Variants in GRAMD2B observed in about 807,000 individuals in gnomAD.
GRAMD2B encodes the protein GRAM domain-containing protein 2B.
A neutral mutation model predicts 59.2 loss-of-function variants in GRAMD2B; 41 were observed. That is an observed-to-expected ratio of 0.69 (90% CI 0.54 to 0.90). The LOEUF (loss-of-function observed/expected upper bound fraction) is 0.90, where lower values mean the gene tolerates loss of function less well. Among genes scored for constraint, GRAMD2B ranks in the 40% least tolerant of loss-of-function variants. The probability of loss-of-function intolerance (pLI) is 0.00; values close to 1 mark genes in which losing one functional copy is unlikely to be tolerated. For synonymous variants in GRAMD2B, 161 were observed against 182.7 expected, an observed-to-expected ratio of 0.88 and a Z score of 0.96; for missense variants, 424 against 500.5, an observed-to-expected ratio of 0.85 and a Z score of 1.46.
intron 10 of GRAMD2B, 136 bp downstream of exon 10, chr5:126,484,660 T>C: frequency 1.3e-6 from 1 of 791,230 alleles, no homozygotes; most frequent in Non-Finnish European, 1.9e-6. Context: ...CTTGGCTCAC[T>C]GCAACCTCTG....
At chr5:126,434,689 TTG>T (rs1039757702) in intron 1 of GRAMD2B, among the ~76,000 whole-genome samples, 1 of 152,074 alleles carries the variant, frequency 6.6e-6, no homozygotes, top group Non-Finnish European at 1.5e-5. Flanking sequence ...GGCTAATTTT[TTG>T]TGTTTTTAGT....
chr5:126,459,560 CA>C (rs1394652933), intron 1 of GRAMD2B, among the ~76,000 whole-genome samples: 1 of 152,194 alleles, frequency 6.6e-6, no homozygotes, highest in Non-Finnish European at 1.5e-5. Context: ...AATGTACATA[CA>C]AACAGCTAAT....
intron 1 of GRAMD2B, among the ~76,000 whole-genome samples, chr5:126,364,139 T>C (rs527547637): frequency 6.6e-6 from 1 of 152,350 alleles, no homozygotes; most frequent in South Asian, 2.1e-4. Flanking sequence ...ATACTAGCTA[T>C]TGTACTTTCT....
At position 126,447,945 on chromosome 5, in the gene GRAMD2B, C is replaced by T. The variant is rs376813484; in HGVS notation, c.84-17481C>T. Among the ~76,000 whole-genome samples, 5 of 151,868 alleles carry T rather than the reference C, an allele frequency of 3.3e-5. No individual in the cohort carries two copies. The East Asian group carries it at 5.9e-4, about 18-fold the overall frequency. ...CATGATCTCGGCTTACTGCAACCTCCGCCTCCCAGGTTCAAGCAATTCTTC... is the reference window on the plus strand; with the variant it reads ...CATGATCTCGGCTTACTGCAACCTCTGCCTCCCAGGTTCAAGCAATTCTTC... On this transcript the variant is annotated intron_variant, in intron 1 of 13. Transcript: ENST00000285689.
chr5:126,400,719 G>C (rs1016045081), intron 1 of GRAMD2B, among the ~76,000 whole-genome samples: 1 of 152,130 alleles, frequency 6.6e-6, no homozygotes, highest in East Asian at 1.9e-4. Context: ...GCTTTATCAA[G>C]TATGGTATTC....
At chr5:126,421,075 C>A (rs147268262), upstream of GRAMD2B, among the ~76,000 whole-genome samples, 316 of 152,150 alleles carry the variant, frequency 2.1e-3, 3 homozygotes, top group African/African-American at 7.1e-3. Flanking sequence ...CTACCAGAGG[C>A]TGGGAGGAGG....
intron 1 of GRAMD2B, among the ~76,000 whole-genome samples, chr5:126,401,924 C>T (rs555580812): frequency 6.6e-5 from 10 of 152,106 alleles, no homozygotes; most frequent in East Asian, 1.9e-4. Flanking sequence ...GGTCATATAC[C>T]GGGGTCACTC....
intron 1 of GRAMD2B, among the ~76,000 whole-genome samples, chr5:126,405,247 C>G (rs1580816133): frequency 6.6e-6 from 1 of 152,030 alleles, no homozygotes; most frequent in South Asian, 2.1e-4. Context: ...CTGTTTATCT[C>G]CAAACAAATG....
intron 1 of GRAMD2B, among the ~76,000 whole-genome samples, chr5:126,412,463 T>A (rs1364196672): frequency 6.6e-6 from 1 of 152,152 alleles, no homozygotes; most frequent in African/African-American, 2.4e-5. Context: ...TTAAGCCTAT[T>A]TGTTTATGAA....
exon 1 of GRAMD2B, chr5:126,360,393 A>C: frequency 6.4e-7 from 1 of 1,551,438 alleles, no homozygotes; most frequent in Non-Finnish European, 8.7e-7. Context: ...TTCCAAGCAC[A>C]GCTTATGCCC....
At position 126,423,563 on chromosome 5, in the gene GRAMD2B, C is replaced by G. The variant is rs1452771072; in HGVS notation, c.-44C>G. On this transcript the variant is annotated 5_prime_UTR_variant, in exon 1 of 14. Transcript: ENST00000285689. The stretch of plus-strand genomic sequence containing the variant: ...GAAGCCGGGACGAGCCGGGGCAGAG[C>G]CAGGCGCGCGGAAGTCTGAAGGTGC... The G allele has an allele frequency of 1.3e-6, 2 of 1,594,384 alleles. No homozygotes were observed. The highest frequency in any genetic ancestry group is 2.3e-5 in the South Asian group (2 of 87,898).
intron 1 of GRAMD2B, among the ~76,000 whole-genome samples, chr5:126,405,219 A>G (rs1758169234): frequency 6.6e-6 from 1 of 151,922 alleles, no homozygotes; most frequent in East Asian, 1.9e-4. Flanking sequence ...TTTGGACCCA[A>G]TATAACCTCC....
chr5:126,450,383 TTC>T (rs138947465), intron 1 of GRAMD2B, among the ~76,000 whole-genome samples: 10 of 151,122 alleles, frequency 6.6e-5, no homozygotes, highest in Admixed American at 1.3e-4. Context: ...GCATAATATA[TTC>T]TCTCTCTCTC....
chr5:126,391,128 G>T (rs1338376757), intron 1 of GRAMD2B, among the ~76,000 whole-genome samples: 6 of 151,850 alleles, frequency 4.0e-5, no homozygotes, highest in Non-Finnish European at 7.4e-5. Context: ...ATCAGTTGAG[G>T]TCAGGAGTTT....
At chr5:126,418,105 A>T (rs1001109411) in intron 1 of GRAMD2B, among the ~76,000 whole-genome samples, 2 of 152,194 alleles carry the variant, frequency 1.3e-5, no homozygotes, top group Non-Finnish European at 2.9e-5. Context: ...AGCAGGAAAT[A>T]GGCCCAGGAG....
At chr5:126,476,597 C>T (rs552696677) in intron 5 of GRAMD2B, among the ~76,000 whole-genome samples, 1 of 152,322 alleles carries the variant, frequency 6.6e-6, no homozygotes, top group South Asian at 2.1e-4. Context: ...ATCAGATTGG[C>T]TTGAATTCCA....
intron 1 of GRAMD2B, among the ~76,000 whole-genome samples, chr5:126,455,402 C>T (rs1234970256): frequency 1.3e-5 from 2 of 152,108 alleles, no homozygotes; most frequent in Non-Finnish European, 2.9e-5. Context: ...TTAATTTCTG[C>T]TTCTTCCTGC....
rs1311795408 is a variant in GRAMD2B, at chr5:126,493,457, A to G, written c.*501A>G. 6.5e-6 allele frequency: 1 copy of G among 153,014 alleles called. No homozygotes were observed. Among genetic ancestry groups the G allele is most frequent in the Non-Finnish European group, 1.5e-5 (1 of 68,298 alleles). The allele number at this position is 153,014 out of a possible 1,614,324, so 9.5% of individuals were successfully genotyped here. On this transcript the variant is annotated 3_prime_UTR_variant, in exon 14 of 14. Coordinates refer to ENST00000285689, the MANE Select transcript of GRAMD2B (RefSeq NM_023927.4). Reference sequence around the variant, plus strand: ...TAAGTGGACAGGTTTGCTTCAAACAAGTAACATCTACATTTTGTCTTTTTT... The same window carrying G: ...TAAGTGGACAGGTTTGCTTCAAACAGGTAACATCTACATTTTGTCTTTTTT...
At chr5:126,363,317 A>AG (rs1247472086) in intron 1 of GRAMD2B, among the ~76,000 whole-genome samples, 3 of 152,284 alleles carry the variant, frequency 2.0e-5, no homozygotes, top group Admixed American at 6.5e-5. Context: ...CAAAAAAAAA[A>AG]GAAGTGTTGG....
Sources: allele counts gnomAD v4.1 joint callset (sites outside exome capture counted in the v4.1 genomes callset), GRCh38; gene constraint gnomAD v4.1.1; transcripts MANE v1.5; gene names NCBI Gene and HGNC (gene_info 2026-07-23, HGNC 2026-07-21).